Variants in ENOSF1 observed in about 807,000 individuals in gnomAD.
ENOSF1 encodes the protein mitochondrial enolase superfamily member 1.
Under a neutral mutation model 68.2 loss-of-function variants are expected in ENOSF1, and 73 were observed. The ratio of observed to expected loss-of-function variants is 1.07; its 90% CI spans 0.89 to 1.30. The LOEUF (loss-of-function observed/expected upper bound fraction) is 1.30. ENOSF1 is among the 50% of genes most tolerant of loss of function. ENOSF1 has a pLI of 0.00. For missense variants in ENOSF1, 589 were observed against 554.5 expected (o/e 1.06, Z -0.62); for synonymous variants, 223 against 210.4 (o/e 1.06, Z -0.52).
chr18:704,605 C>CTTTTTTTTTTTTT (rs367666026), intron 2 of ENOSF1, among the ~76,000 whole-genome samples: 1 of 135,310 alleles, frequency 7.4e-6, no homozygotes, highest in African/African-American at 2.8e-5. Context: ...TCTTCTGTAT[C>CTTTTTTTTTTTTT]TTTTTTCTTT....
chr18:702,929 C>G (rs1048030246), intron 2 of ENOSF1, among the ~76,000 whole-genome samples: 8 of 152,100 alleles, frequency 5.3e-5, no homozygotes, highest in African/African-American at 1.9e-4. Flanking sequence ...CACAGTAACC[C>G]TATTTTTTTA....
chr18:691,470 T>G (rs1249778069), intron 5 of ENOSF1, 194 bp from the exon 6 acceptor site: 21 of 556,052 alleles, frequency 3.8e-5, no homozygotes, highest in Non-Finnish European at 6.7e-5. Context: ...CTCAGCCTCC[T>G]GAGTAGCTGG....
intron 3 of ENOSF1, among the ~76,000 whole-genome samples, 171 bp downstream of exon 3, chr18:697,069 A>G (rs1374654949): frequency 2.0e-5 from 3 of 152,190 alleles, no homozygotes; most frequent in Non-Finnish European, 4.4e-5. Context: ...GTGAGCCAAG[A>G]TTGCATCACT....
chr18:682,396 T>C (rs995675161), intron 11 of ENOSF1, among the ~76,000 whole-genome samples: 1 of 152,152 alleles, frequency 6.6e-6, no homozygotes, highest in Admixed American at 6.5e-5. Flanking sequence ...AGGTAATGCG[T>C]TGCACCACAT....
At chr18:688,731 GTGT>G (rs1426784523) in intron 8 of ENOSF1, 123 bp from the exon 9 acceptor site, 1 of 824,990 alleles carries the variant, frequency 1.2e-6, no homozygotes, top group Non-Finnish European at 2.0e-6. Flanking sequence ...TAACACCCAT[GTGT>G]TGTTGAAATT....
intron 2 of ENOSF1, among the ~76,000 whole-genome samples, chr18:702,747 T>A (rs1048471445): frequency 7.9e-5 from 12 of 151,944 alleles, no homozygotes; most frequent in African/African-American, 2.7e-4. Context: ...TCAAATAAAT[T>A]AATAAATAAT....
chr18:691,409 C>CA (rs1342567669), intron 5 of ENOSF1, 133 bp from the exon 6 acceptor site: 3 of 684,700 alleles, frequency 4.4e-6, no homozygotes, highest in Non-Finnish European at 7.3e-6. Flanking sequence ...GCAGTGATGC[C>CA]ATCATAGCTC....
chr18:693,993 T>C (rs954413381), intron 4 of ENOSF1, 85 bp from the exon 5 acceptor site: 5 of 1,381,686 alleles, frequency 3.6e-6, no homozygotes, highest in Non-Finnish European at 5.1e-6. Flanking sequence ...GCAGCTCTAA[T>C]GCTGGCTGTC....
chr18:706,573 C>A lies in ENOSF1; in HGVS notation c.90G>T (p.Thr30=). The change falls in exon 2 of 16, where the codon ACG becomes ACT. Residue 30 remains threonine (T), a synonymous_variant. Transcript: ENST00000647584. The part of the protein sequence containing the change: ...LGGHGADAMH[T]DPDYSAAYVV... ...CATAGGCAGCCGAGTAGTCAGGGTC[C>A]GTGTGCTGCAGGAGAAGAGTTCCCC... The A allele has an allele frequency of 1.2e-6, 2 of 1,612,744 alleles. No homozygotes were observed. The highest frequency in any genetic ancestry group is 1.1e-5 in the South Asian group (1 of 91,018).
intron 11 of ENOSF1, among the ~76,000 whole-genome samples, chr18:680,990 G>C (rs1021680607): frequency 2.0e-5 from 3 of 152,064 alleles, no homozygotes; most frequent in Non-Finnish European, 4.4e-5. Context: ...GGGACTATAG[G>C]TGGGCGGATC....
chr18:677,948 GC>G, intron 12 of ENOSF1, 76 bp from the exon 13 acceptor site: 1 of 1,481,906 alleles, frequency 6.7e-7, no homozygotes, highest in Non-Finnish European at 9.1e-7. Context: ...TGGCAACGCA[GC>G]CACTCTATGC....
intron 2 of ENOSF1, among the ~76,000 whole-genome samples, chr18:703,348 AG>A (rs1345199470): frequency 1.3e-5 from 2 of 151,106 alleles, no homozygotes; most frequent in Non-Finnish European, 2.9e-5. Context: ...CAAAGTTTAA[AG>A]TCTGGGCTGT....
In ENOSF1 at chr18:671,110, C is replaced by T. The variant is rs1279077579; in HGVS notation, c.*3195G>A. ...GTGATACAGCTTCTATGGATTTTCT[C>T]AAAAGCTATGCTGAGGTTGGGTATG... is the stretch of plus-strand genomic sequence containing the variant. On this transcript the variant is annotated 3_prime_UTR_variant, in exon 16 of 16. Transcript: ENST00000647584. The T allele has an allele frequency of 1.6e-6, 1 of 619,964 alleles. No individual in the cohort carries two copies. Among genetic ancestry groups the T allele is most frequent in the Non-Finnish European group, 2.8e-6 (1 of 358,846 alleles). The allele number at this position is 619,964 out of a possible 1,614,324, so 38.4% of individuals were successfully genotyped here. A position where few individuals can be genotyped will look rare whatever the true frequency, so the allele number is the denominator to read the frequency against.
chr18:697,442 G>C, intron 2 of ENOSF1, 87 bp from the exon 3 acceptor site: 1 of 1,075,880 alleles, frequency 9.3e-7, no homozygotes, highest in Non-Finnish European at 1.4e-6. Flanking sequence ...AAACAAATGT[G>C]AAAGTTTTAT....
intron 11 of ENOSF1, among the ~76,000 whole-genome samples, chr18:681,155 C>T (rs997056552): frequency 6.8e-6 from 1 of 147,320 alleles, no homozygotes; most frequent in Non-Finnish European, 1.5e-5. Flanking sequence ...AGCCACTATG[C>T]CTGGCCACTA....
intron 1 of ENOSF1, chr18:706,881 C>G (rs1208608493): frequency 6.7e-6 from 1 of 149,610 alleles, no homozygotes; most frequent in African/African-American, 2.5e-5. Flanking sequence ...TGCAATGGTG[C>G]GATCTCAGCT....
At chr18:670,042 C>CTTT (rs1357951783), downstream of ENOSF1, among the ~76,000 whole-genome samples, 1 of 128,582 alleles carries the variant, frequency 7.8e-6, no homozygotes. Flanking sequence ...GTAATAGAGA[C>CTTT]TTATTTTTTT....
chr18:674,510 A>C (rs1397880319), intron 15 of ENOSF1, 104 bp from the exon 16 acceptor site: 9 of 721,706 alleles, frequency 1.2e-5, no homozygotes, highest in Non-Finnish European at 2.1e-5. Flanking sequence ...TCTAAGCCAG[A>C]GGCAATTAAT....
At chr18:688,450 C>G in intron 9 of ENOSF1, 124 bp downstream of exon 9, 2 of 1,282,252 alleles carry the variant, frequency 1.6e-6, no homozygotes, top group Non-Finnish European at 1.1e-6. Context: ...TTATGCATCC[C>G]TATGAGCCAG....
Sources: allele counts gnomAD v4.1 joint callset (sites outside exome capture counted in the v4.1 genomes callset), GRCh38; gene constraint gnomAD v4.1.1; transcripts MANE v1.5; gene names NCBI Gene and HGNC (gene_info 2026-07-23, HGNC 2026-07-21).